Variants in NEDD4L observed in about 807,000 individuals in gnomAD.
NEDD4L encodes the protein E3 ubiquitin-protein ligase NEDD4-like.
A neutral mutation model predicts 148.9 loss-of-function variants in NEDD4L; 54 were observed. The ratio of observed to expected loss-of-function variants is 0.36; its 90% CI spans 0.29 to 0.45. The LOEUF (loss-of-function observed/expected upper bound fraction) is 0.45. NEDD4L is among the 20% of genes least tolerant of loss of function. The pLI is 1.00. For synonymous variants in NEDD4L, 433 were observed against 440.7 expected (o/e 0.98, Z 0.22); for missense variants, 856 against 1,233.8 (o/e 0.69, Z 4.59).
chr18:58,073,535 G>A (rs1599076770), intron 1 of NEDD4L, among the ~76,000 whole-genome samples: 1 of 152,342 alleles, frequency 6.6e-6, no homozygotes, highest in South Asian at 2.1e-4. Context: ...ATATTATTCA[G>A]CCATTAAACC....
At chr18:58,209,110 A>G (rs74958751) in intron 2 of NEDD4L, among the ~76,000 whole-genome samples, 3,359 of 150,346 alleles carry the variant, frequency 0.022, 133 homozygotes, top group African/African-American at 0.079. Flanking sequence ...AAGATAATAG[A>G]TAAGAGATTA....
intron 2 of NEDD4L, among the ~76,000 whole-genome samples, chr18:58,186,622 A>G (rs1003524605): frequency 2.0e-5 from 3 of 152,218 alleles, no homozygotes; most frequent in African/African-American, 4.8e-5. Flanking sequence ...ATAGTCATCA[A>G]TCACTCTTAG....
chr18:58,236,125 G>C (rs1180823105), intron 2 of NEDD4L, among the ~76,000 whole-genome samples: 1 of 152,138 alleles, frequency 6.6e-6, no homozygotes, highest in Non-Finnish European at 1.5e-5. Flanking sequence ...GGGAGGCAGA[G>C]GCAGGAAGAT....
chr18:58,068,628 T>A (rs2082726363), intron 1 of NEDD4L, among the ~76,000 whole-genome samples: 1 of 152,238 alleles, frequency 6.6e-6, no homozygotes, highest in South Asian at 2.1e-4. Flanking sequence ...AAGGAAAGAA[T>A]ATGATTTTGT....
chr18:58,295,846 G>T (rs1264031578), intron 5 of NEDD4L, among the ~76,000 whole-genome samples: 2 of 152,122 alleles, frequency 1.3e-5, no homozygotes, highest in Admixed American at 6.5e-5. Flanking sequence ...GGCAGATAGA[G>T]ATTTTCTTCA....
At chr18:58,141,565 G>A (rs4940647) in intron 1 of NEDD4L, among the ~76,000 whole-genome samples, 47,256 of 151,838 alleles carry the variant, frequency 0.31, 7,652 homozygotes, top group Non-Finnish European at 0.36. Context: ...TCTGAAAGCA[G>A]GCCTTGAATT....
intron 1 of NEDD4L, among the ~76,000 whole-genome samples, chr18:58,071,549 C>T (rs187094077): frequency 2.6e-5 from 4 of 152,232 alleles, no homozygotes; most frequent in Non-Finnish European, 5.9e-5. Context: ...TGAACAAAGC[C>T]TTAGAGACCT....
At chr18:58,289,196 G>A (rs17064695) in intron 5 of NEDD4L, among the ~76,000 whole-genome samples, 2,924 of 152,288 alleles carry the variant, frequency 0.019, 85 homozygotes, top group African/African-American at 0.056. Flanking sequence ...TGTATACGCT[G>A]TGTACAAATT....
intron 5 of NEDD4L, among the ~76,000 whole-genome samples, chr18:58,253,585 A>G (rs1164719895): frequency 6.6e-6 from 1 of 152,232 alleles, no homozygotes; most frequent in African/African-American, 2.4e-5. Flanking sequence ...ATTGAGTAGT[A>G]TAACAGTACG....
At chr18:58,340,612 C>T (rs545488323) in intron 13 of NEDD4L, among the ~76,000 whole-genome samples, 2 of 152,322 alleles carry the variant, frequency 1.3e-5, no homozygotes, top group Non-Finnish European at 2.9e-5. Flanking sequence ...AAGAGCACCC[C>T]ATGGGAGCTA....
chr18:58,063,949 CTTTTTTTTTTTTT>C (rs58608106), intron 1 of NEDD4L, among the ~76,000 whole-genome samples: 2 of 129,906 alleles, frequency 1.5e-5, no homozygotes, highest in Non-Finnish European at 3.2e-5. Flanking sequence ...TATAATGTTT[CTTTTTTTTTTTTT>C]TTTTTTTTTT....
chr18:58,293,972 C>T (rs2055159776), intron 5 of NEDD4L, among the ~76,000 whole-genome samples: 1 of 152,194 alleles, frequency 6.6e-6, no homozygotes, highest in Non-Finnish European at 1.5e-5. Context: ...ATCCTTCCAC[C>T]TTGGCTTCCC....
intron 5 of NEDD4L, among the ~76,000 whole-genome samples, chr18:58,297,094 A>G (rs1280718993): frequency 6.6e-5 from 10 of 152,172 alleles, no homozygotes; most frequent in African/African-American, 2.4e-5. Flanking sequence ...CTCAAAATAA[A>G]TAAATAAATA....
chr18:58,304,092 G>A (rs1200920684), intron 5 of NEDD4L, among the ~76,000 whole-genome samples: 2 of 152,114 alleles, frequency 1.3e-5, no homozygotes, highest in Non-Finnish European at 2.9e-5. Context: ...AGGGGTGAGA[G>A]TTGCTGCTAT....
chr18:58,363,958 C>T (rs1337670123), intron 19 of NEDD4L, among the ~76,000 whole-genome samples: 1 of 152,168 alleles, frequency 6.6e-6, no homozygotes, highest in African/African-American at 2.4e-5. Context: ...AACAGAAACA[C>T]CCTGACTCAT....
chr18:58,122,952 C>T (rs1337012190), intron 1 of NEDD4L, among the ~76,000 whole-genome samples: 3 of 152,146 alleles, frequency 2.0e-5, no homozygotes, highest in African/African-American at 4.8e-5. Flanking sequence ...AGGCTAGTCT[C>T]GAACTCCTGA....
intron 1 of NEDD4L, chr18:58,045,410 G>A (rs1353616093): frequency 5.1e-5 from 18 of 350,820 alleles, no homozygotes; most frequent in Non-Finnish European, 5.1e-6. Context: ...CACCTCCAGG[G>A]TGGGTGGGGA....
At chr18:58,272,522 G>A (rs1427933248) in intron 5 of NEDD4L, among the ~76,000 whole-genome samples, 1 of 151,970 alleles carries the variant, frequency 6.6e-6, no homozygotes, top group African/African-American at 2.4e-5. Flanking sequence ...CAGCTATTCG[G>A]GAGGTAGGAG....
chr18:58,151,126 A>G (rs1233711176), intron 1 of NEDD4L, among the ~76,000 whole-genome samples: 1 of 152,194 alleles, frequency 6.6e-6, no homozygotes, highest in Non-Finnish European at 1.5e-5. Context: ...CCAAACATGC[A>G]TTCCTCAGGT....
Sources: allele counts gnomAD v4.1 joint callset (sites outside exome capture counted in the v4.1 genomes callset), GRCh38; gene constraint gnomAD v4.1.1; transcripts MANE v1.5; gene names NCBI Gene and HGNC (gene_info 2026-07-23, HGNC 2026-07-21).